Variants in SPATS2 observed in about 807,000 individuals in gnomAD.
SPATS2 encodes spermatogenesis-associated serine-rich protein 2.
In SPATS2, 38 loss-of-function variants were observed where a neutral mutation model predicts 63.7. That is an observed-to-expected ratio of 0.60 (90% CI 0.46 to 0.78). The LOEUF (loss-of-function observed/expected upper bound fraction) is 0.78, where lower values mean the gene tolerates loss of function less well. SPATS2 is among the 30% of genes least tolerant of loss of function. SPATS2 has a pLI of 0.00. For synonymous variants in SPATS2, 207 were observed against 232.9 expected (o/e 0.89, Z 1.01); for missense variants, 588 against 666.2 (o/e 0.88, Z 1.29).
chr12:49,417,216 T>C (rs75549204), intron 2 of SPATS2, among the ~76,000 whole-genome samples: 4,443 of 152,346 alleles, frequency 0.029, 92 homozygotes, highest in Middle Eastern at 0.078. Context: ...AAAAAGAAAT[T>C]AAAATCTCTG....
rs5798102 is a variant in SPATS2 at position 49,403,594 on chromosome 12, T to TACACACAC, written c.-244+32344_-244+32351dup. Among the ~76,000 whole-genome samples, 1,182 of 128,450 alleles carry TACACACAC rather than the reference T, an allele frequency of 9.2e-3. 7 individuals are homozygous for TACACACAC. The highest frequency in any genetic ancestry group is 0.014 in the Middle Eastern group (4 of 276). The allele number at this position is 128,450 out of a possible 152,430, so 84.3% of individuals were successfully genotyped here. A position where few individuals can be genotyped will look rare whatever the true frequency, so the allele number is the denominator to read the frequency against. On this transcript the variant is annotated intron_variant, in intron 2 of 13. Coordinates refer to ENST00000552918, the MANE Select transcript of SPATS2 (RefSeq NM_023071.4). ...AGTGAGCCGAGATCATGCCACTGTC[T>TACACACAC]ACACACACACACACACACACACACA...
At chr12:49,474,026 C>G (rs1293799354) in intron 3 of SPATS2, among the ~76,000 whole-genome samples, 1 of 152,178 alleles carries the variant, frequency 6.6e-6, no homozygotes, top group African/African-American at 2.4e-5. Flanking sequence ...CAGTGTTTTA[C>G]TTATTCACCT....
chr12:49,453,951 C>A (rs985165895), intron 2 of SPATS2, among the ~76,000 whole-genome samples: 2 of 149,852 alleles, frequency 1.3e-5, no homozygotes, highest in Non-Finnish European at 3.0e-5. Context: ...CAAGCTCCAC[C>A]TCCCAGGTTC....
intron 2 of SPATS2, among the ~76,000 whole-genome samples, chr12:49,377,695 A>C (rs1944132790): frequency 3.3e-5 from 5 of 152,180 alleles, no homozygotes. Flanking sequence ...TAATATTTCT[A>C]TATATAATAT....
chr12:49,378,046 C>T (rs1438969353), intron 2 of SPATS2, among the ~76,000 whole-genome samples: 2 of 152,288 alleles, frequency 1.3e-5, no homozygotes, highest in South Asian at 4.2e-4. Flanking sequence ...GATCTTGGCT[C>T]ACTGCCACCT....
rs547747745 is a variant in SPATS2 at position 49,459,316 on chromosome 12, G to C, written c.-243-1454G>C. ...GCCTGCCCACCAGACACCTGATCTT[G>C]CAAGACCATTATTATTATTATTATT... is the stretch of plus-strand genomic sequence containing the variant. On this transcript the variant is annotated intron_variant, in intron 2 of 13. Transcript: ENST00000552918. Among the ~76,000 whole-genome samples the C allele has an allele frequency of 2.0e-5, 3 of 152,090 alleles. No homozygotes were observed. The East Asian group carries it at 5.8e-4, about 29-fold the overall frequency.
At chr12:49,418,947 C>A (rs1464273547) in intron 2 of SPATS2, among the ~76,000 whole-genome samples, 1 of 152,128 alleles carries the variant, frequency 6.6e-6, no homozygotes, top group African/African-American at 2.4e-5. Context: ...CACTACAGTT[C>A]CTTAACTTCA....
intron 2 of SPATS2, among the ~76,000 whole-genome samples, chr12:49,418,233 G>A (rs12831816): frequency 6.7e-6 from 1 of 150,014 alleles, no homozygotes; most frequent in Non-Finnish European, 1.5e-5. Flanking sequence ...TCCTGCCTCA[G>A]CCTCCTGAGT....
intron 2 of SPATS2, among the ~76,000 whole-genome samples, chr12:49,459,275 G>T (rs1472428316): frequency 2.6e-5 from 4 of 152,168 alleles, no homozygotes; most frequent in Admixed American, 6.5e-5. Context: ...ATTACCTGTT[G>T]TGACTGTCCC....
At chr12:49,519,278 C>A (rs2098897145) in intron 11 of SPATS2, 96 bp downstream of exon 11, 2 of 931,042 alleles carry the variant, frequency 2.1e-6, no homozygotes, top group Admixed American at 3.0e-5. Flanking sequence ...ATATTAAACT[C>A]ATGATCTTCC....
Position 49,526,821 on chromosome 12 carries a change from G to A in SPATS2, c.*566G>A, listed in dbSNP as rs1205763265. On this transcript the variant is annotated 3_prime_UTR_variant, in exon 14 of 14. Transcript: ENST00000552918. ...AAATCAGTGTTTAGTCTTCTGCTTG[G>A]CACCATAGCTTAACCTGCAGTTTCT... 1 of 152,190 alleles carries A rather than the reference G, an allele frequency of 6.6e-6. No individual in the cohort carries two copies. The highest frequency in any genetic ancestry group is 1.9e-4 in the East Asian group (1 of 5,162). The allele number at this position is 152,190 out of a possible 1,614,324, so 9.4% of individuals were successfully genotyped here. A position where few individuals can be genotyped will look rare whatever the true frequency, so the allele number is the denominator to read the frequency against.
chr12:49,424,661 G>T (rs1293071612), intron 2 of SPATS2, among the ~76,000 whole-genome samples: 2 of 152,004 alleles, frequency 1.3e-5, no homozygotes, highest in Admixed American at 1.3e-4. Flanking sequence ...TGATACATAC[G>T]TACCATAGTA....
intron 2 of SPATS2, among the ~76,000 whole-genome samples, chr12:49,396,752 C>G (rs940034713): frequency 1.3e-5 from 2 of 152,200 alleles, no homozygotes; most frequent in African/African-American, 4.8e-5. Flanking sequence ...ATGGATGGAG[C>G]AGTCCTTTTT....
chr12:49,460,454 T>C (rs1313748911), intron 2 of SPATS2, among the ~76,000 whole-genome samples: 5 of 150,168 alleles, frequency 3.3e-5, no homozygotes, highest in Admixed American at 2.6e-4. Context: ...AGACTTCATC[T>C]CAAAAAAAAA....
intron 2 of SPATS2, among the ~76,000 whole-genome samples, chr12:49,418,108 G>GTCTTTTTTTTT (rs1944919859): frequency 1.3e-5 from 1 of 76,060 alleles, no homozygotes; most frequent in Non-Finnish European, 2.4e-5. Flanking sequence ...AAATGACTCA[G>GTCTTTTTTTTT]TTTTTTTTTT....
rs932856407 is a variant in SPATS2 at position 49,367,544 on chromosome 12, G to A, written c.-350G>A. The A allele has an allele frequency of 2.8e-4, 112 of 398,346 alleles. No homozygotes were observed. Among genetic ancestry groups the A allele is most frequent in the Middle Eastern group, 6.2e-4 (1 of 1,616 alleles). The allele number at this position is 398,346 out of a possible 1,614,324, so 24.7% of individuals were successfully genotyped here. A position where few individuals can be genotyped will look rare whatever the true frequency, so the allele number is the denominator to read the frequency against. ...GACCCGGGAGCGTCCGGGACGCGGA[G>A]CCCGGAGCTGGGGCGACGAGGCGAT... On this transcript the variant is annotated 5_prime_UTR_variant, in exon 1 of 14. Transcript: ENST00000552918.
intron 2 of SPATS2, among the ~76,000 whole-genome samples, chr12:49,399,267 CCTTT>C (rs1163134879): frequency 6.6e-6 from 1 of 152,072 alleles, no homozygotes; most frequent in Non-Finnish European, 1.5e-5. Flanking sequence ...AGCACTCCTT[CCTTT>C]ATTTCCCTTT....
intron 2 of SPATS2, among the ~76,000 whole-genome samples, chr12:49,373,087 G>C (rs6580708): frequency 0.34 from 51,840 of 151,434 alleles, 12,590 homozygotes; most frequent in African/African-American, 0.69. Context: ...ATTCTCCTTC[G>C]TCAGCCTCCT....
rs372472343 is a variant in SPATS2 at position 49,384,198 on chromosome 12, T to C, written c.-244+12908T>C. Among the ~76,000 whole-genome samples the C allele has an allele frequency of 4.7e-4, 71 of 152,334 alleles. No individual in the cohort carries two copies. The South Asian group carries it at 0.012, about 26-fold the overall frequency. On this transcript the variant is annotated intron_variant, in intron 2 of 13. Transcript: ENST00000552918. ...CCCAGGTTAGTCTTGAATTCCTGCC[T>C]CAAGTAATCTTCTTGCCTCGGCCTC... is the stretch of plus-strand genomic sequence containing the variant.
Sources: allele counts gnomAD v4.1 joint callset (sites outside exome capture counted in the v4.1 genomes callset), GRCh38; gene constraint gnomAD v4.1.1; transcripts MANE v1.5; gene names NCBI Gene and HGNC (gene_info 2026-07-23, HGNC 2026-07-21).